ZNF28: variants seen among roughly 807,000 people sequenced by gnomAD.
ZNF28 encodes the protein zinc finger protein 28.
ZNF28 carries 5 observed loss-of-function variants against 7.2 expected under a neutral mutation model. That is an observed-to-expected ratio of 0.70 (90% CI 0.36 to 1.46). ZNF28 has a LOEUF of 1.46. ZNF28 is among the 40% of genes most tolerant of loss of function. The probability of loss-of-function intolerance (pLI) is 0.03; values close to 1 mark genes in which losing one functional copy is unlikely to be tolerated. For missense variants in ZNF28, 879 were observed against 866.6 expected (o/e 1.01, Z -0.18); for synonymous variants, 288 against 292.4 (o/e 0.99, Z 0.15).
chr19:52,810,990 C>T (rs2063025300), intron 2 of ZNF28, among the ~76,000 whole-genome samples: 1 of 145,478 alleles, frequency 6.9e-6, no homozygotes, highest in Non-Finnish European at 1.5e-5. Context: ...AACCTCCCTG[C>T]CTGATTCTCC....
At chr19:52,808,213 C>G in intron 2 of ZNF28, 80 bp from the exon 3 acceptor site, 1 of 1,583,048 alleles carries the variant, frequency 6.3e-7, no homozygotes, top group South Asian at 1.2e-5. Context: ...AGGGGGAAAG[C>G]ATGGATTTAG....
chr19:52,810,716 G>C, intron 2 of ZNF28: 1 of 762,596 alleles, frequency 1.3e-6, no homozygotes, highest in African/African-American at 1.8e-5. Flanking sequence ...TAAAAAAAAT[G>C]TGTATTAGGA....
chr19:52,809,852 C>CA (rs2062993201), intron 2 of ZNF28: 1 of 614,560 alleles, frequency 1.6e-6, no homozygotes, highest in Admixed American at 3.0e-5. Flanking sequence ...GCGGTGGTGG[C>CA]AGTAGCACTG....
chr19:52,810,969 C>T lies in ZNF28; in HGVS notation c.16-2836G>A, dbSNP rs1272290882. ...AAGCTGGACGGTACTGCTGCCATCT[C>T]GGCTCACTGCAACCTCCCTGCCTGA... On this transcript the variant is annotated intron_variant, in intron 2 of 3. Transcript: ENST00000457749. Among the ~76,000 whole-genome samples, 19 of 136,150 alleles carry T rather than the reference C, an allele frequency of 1.4e-4. 1 individual carries two copies. The highest frequency in any genetic ancestry group is 8.4e-4 in the South Asian group (3 of 3,576). The allele number at this position is 136,150 out of a possible 152,430, so 89.3% of individuals were successfully genotyped here.
At chr19:52,811,249 C>T (rs1236946668) in intron 2 of ZNF28, among the ~76,000 whole-genome samples, 1 of 151,724 alleles carries the variant, frequency 6.6e-6, no homozygotes, top group Non-Finnish European at 1.5e-5. Flanking sequence ...CTACAACCTC[C>T]ACCTCCCAGC....
Position 52,809,822 on chromosome 19 carries a change from A to AGGCAGCGGCGGC in ZNF28, c.16-1690_16-1689insGCCGCCGCTGCC, listed in dbSNP as rs202197218. 256 of 527,346 alleles carry AGGCAGCGGCGGC rather than the reference A, an allele frequency of 4.9e-4. 1 individual carries two copies. The highest frequency in any genetic ancestry group is 2.6e-3 in the Middle Eastern group (5 of 1,914). 32.7% of individuals were successfully genotyped at this position (527,346 alleles called of 1,614,324 possible). A position where few individuals can be genotyped will look rare whatever the true frequency, so the allele number is the denominator to read the frequency against. ...AAAAGGAGCCCAGTCTGAGCGGCGA[A>AGGCAGCGGCGGC]GGCGGCGGCGGCGGCGGTGGCGGTG... On this transcript the variant is annotated intron_variant, in intron 2 of 3. Transcript: ENST00000457749.
rs775143731 is a variant in ZNF28 at position 52,801,626 on chromosome 19, T to C, written c.219A>G (p.Thr73=). The C allele has an allele frequency of 8.7e-6, 14 of 1,614,096 alleles. No homozygotes were observed. The highest frequency in any genetic ancestry group is 2.2e-5 in the South Asian group (2 of 91,076). Residue 73 remains threonine (T), a synonymous_variant, in exon 4 of 4, where the codon ACA becomes ACG. Transcript: ENST00000457749. ...TGTGATGACTTGCTTGTCTTTGCAA[T>C]GTCCCTGTGTGGAACGCTTCTGTAT... is the stretch of plus-strand genomic sequence containing the variant. ...QGNTEAFHTG[T]LQRQASHHIG... is the part of the protein sequence containing the mutation.
intron 2 of ZNF28, chr19:52,810,677 C>A: frequency 2.2e-6 from 2 of 896,936 alleles, no homozygotes; most frequent in Non-Finnish European, 3.8e-6. Flanking sequence ...AGGGGCCGGG[C>A]TAGAGCGACA....
At position 52,798,376 on chromosome 19, in the gene ZNF28, T is replaced by G. The variant is rs2062822159; in HGVS notation, c.*1312A>C. 2.7e-6 allele frequency: 1 copy of G among 365,260 alleles called. No individual in the cohort carries two copies. The highest frequency in any genetic ancestry group is 5.4e-6 in the Non-Finnish European group (1 of 185,946). 22.6% of individuals were successfully genotyped at this position (365,260 alleles called of 1,614,324 possible). A position where few individuals can be genotyped will look rare whatever the true frequency, so the allele number is the denominator to read the frequency against. ...TTAAGTCAACTCAAACTCAGGTCAG[T>G]GCTCATTTAACTGTAATGTCAATTA... is the stretch of plus-strand genomic sequence containing the variant. On this transcript the variant is annotated 3_prime_UTR_variant, in exon 4 of 4. Transcript: ENST00000457749.
intron 2 of ZNF28, among the ~76,000 whole-genome samples, chr19:52,808,535 G>A (rs2062967830): frequency 1.3e-5 from 2 of 151,966 alleles, no homozygotes; most frequent in Admixed American, 1.3e-4. Context: ...TACGCAGGAG[G>A]CTGAGGCAGA....
chr19:52,820,052 T>G (rs1415149127), intron 1 of ZNF28, among the ~76,000 whole-genome samples: 1 of 144,250 alleles, frequency 6.9e-6, no homozygotes, highest in Non-Finnish European at 1.5e-5. Flanking sequence ...TGAAACCCTA[T>G]CTCTACTAGA....
intron 3 of ZNF28, among the ~76,000 whole-genome samples, chr19:52,804,722 C>T (rs2062915145): frequency 6.6e-6 from 1 of 152,024 alleles, no homozygotes; most frequent in Admixed American, 6.6e-5. Context: ...CCAGACTGGT[C>T]TCAAACTCCT....
At chr19:52,815,547 G>A (rs1352902860) in intron 2 of ZNF28, among the ~76,000 whole-genome samples, 1 of 146,012 alleles carries the variant, frequency 6.8e-6, no homozygotes, top group Non-Finnish European at 1.5e-5. Context: ...ATAACTGTCT[G>A]GGCGTGGTGG....
chr19:52,797,762 T>A lies in ZNF28; in HGVS notation c.*1926A>T, dbSNP rs1218552289. 6.6e-6 allele frequency: 1 copy of A among 152,246 alleles called. No individual in the cohort carries two copies. Among genetic ancestry groups the A allele is most frequent in the Non-Finnish European group, 1.5e-5 (1 of 68,032 alleles). 9.4% of individuals were successfully genotyped at this position (152,246 alleles called of 1,614,324 possible). A position where few individuals can be genotyped will look rare whatever the true frequency, so the allele number is the denominator to read the frequency against. ...GGAAAAATTAGTATTGCTCAATGAT[T>A]ATATAACCGAATGTGATTTAGATTC... On this transcript the variant is annotated 3_prime_UTR_variant, in exon 4 of 4. Coordinates refer to ENST00000457749, the MANE Select transcript of ZNF28 (RefSeq NM_006969.5).
chr19:52,820,262 C>A (rs1159656918), intron 1 of ZNF28, among the ~76,000 whole-genome samples: 1 of 137,942 alleles, frequency 7.2e-6, no homozygotes, highest in Non-Finnish European at 1.5e-5. Flanking sequence ...GGACTACAGG[C>A]GCCCGCCACC....
In ZNF28 at chr19:52,800,207, A is replaced by C; in HGVS notation, c.1638T>G (p.Thr546=). 1 of 1,613,486 alleles carries C rather than the reference A, an allele frequency of 6.2e-7. No individual in the cohort carries two copies. The highest frequency in any genetic ancestry group is 8.5e-7 in the Non-Finnish European group (1 of 1,179,882). ...ANLACHHKLH[T]AEKPYKCEEC... is the part of the protein sequence containing the mutation. ...CTTCACATTTGTACGGTTTCTCTGC[A>C]GTATGAAGTTTATGATGACATGCAA... Residue 546 remains threonine, a synonymous_variant, in exon 4 of 4, where the codon ACT becomes ACG. Transcript: ENST00000457749.
chr19:52,810,631 A>G, intron 2 of ZNF28: 1 of 1,409,706 alleles, frequency 7.1e-7, no homozygotes, highest in Non-Finnish European at 1.0e-6. Context: ...TCCATTCTAC[A>G]GTGGTTTTAA....
rs746186614 is a variant in ZNF28 at position 52,800,531 on chromosome 19, A to C, written c.1314T>G (p.Pro438=). 6.2e-7 allele frequency: 1 copy of C among 1,611,828 alleles called. No homozygotes were observed. The highest frequency in any genetic ancestry group is 2.2e-5 in the East Asian group (1 of 44,768). The change falls in exon 4 of 4, where the codon CCT becomes CCG. Residue 438 remains proline (P), a synonymous_variant. Coordinates refer to ENST00000457749, the MANE Select transcript of ZNF28 (RefSeq NM_006969.5). ...CCTTGCCACATTCATTACACTTGTA[A>C]GGCTTCTCTCCAGTGTGAATTATAC... ...KHSIIHTGEK[P]YKCNECGKVF... is the part of the protein sequence containing the mutation.
At chr19:52,808,206 G>GTT in intron 2 of ZNF28, 73 bp from the exon 3 acceptor site, 1 of 1,587,032 alleles carries the variant, frequency 6.3e-7, no homozygotes, top group Admixed American at 1.8e-5. Flanking sequence ...ACAAGAGAGG[G>GTT]GGAAAGCATG....
Sources: allele counts gnomAD v4.1 joint callset (sites outside exome capture counted in the v4.1 genomes callset), GRCh38; gene constraint gnomAD v4.1.1; transcripts MANE v1.5; gene names NCBI Gene and HGNC (gene_info 2026-07-23, HGNC 2026-07-21).